PCDHA7: variants seen among roughly 807,000 people sequenced by gnomAD.
The protein encoded by PCDHA7 is protocadherin alpha 7, also known as protocadherin alpha-7.
A neutral mutation model predicts 57.2 loss-of-function variants in PCDHA7; 37 were observed. That is an observed-to-expected ratio of 0.65 (90% CI 0.50 to 0.85). The LOEUF is 0.85. PCDHA7 is among the 40% of genes least tolerant of loss of function. PCDHA7 has a pLI of 0.00. For missense variants in PCDHA7, 1,188 were observed against 1,241.8 expected (o/e 0.96, Z 0.65); for synonymous variants, 553 against 558.8 (o/e 0.99, Z 0.15).
chr5:140,933,545 A>G (rs1424166462), intron 1 of PCDHA7, among the ~76,000 whole-genome samples: 1 of 152,114 alleles, frequency 6.6e-6, no homozygotes, highest in Non-Finnish European at 1.5e-5. Flanking sequence ...TAATGTTAAT[A>G]TAAAATAAAA....
At position 140,836,517 on chromosome 5, in the gene PCDHA7, G is replaced by T. The variant is rs782570045; in HGVS notation, c.2134G>T (p.Val712Leu). 1.2e-6 allele frequency: 2 copies of T among 1,613,750 alleles called. No individual in the cohort carries two copies. Among genetic ancestry groups the T allele is most frequent in the African/African-American group, 1.3e-5 (1 of 74,844 alleles). Reference protein sequence around the residue: ...IAICAVSSLLVLTLLLYTALR... With the variant: ...IAICAVSSLLLLTLLLYTALR... The stretch of plus-strand genomic sequence containing the variant: ...CATCTGCGCGGTGTCCAGTCTGTTG[G>T]TGCTTACCCTGCTGCTGTACACGGC... Residue 712 changes from valine to leucine, a missense_variant, in exon 1 of 4, where the codon GTG (valine) becomes TTG (leucine). Physicochemically the swap from Val to Leu is conservative, Grantham distance 32. Around this residue, in one of 3 missense-constraint regions of PCDHA7, gnomAD observed 892 missense variants for 788.5 expected, o/e 1.13. Coordinates refer to ENST00000525929, the MANE Select transcript of PCDHA7 (RefSeq NM_018910.3).
At chr5:140,862,665 G>A (rs1437192786) in intron 1 of PCDHA7, 12 of 547,492 alleles carry the variant, frequency 2.2e-5, no homozygotes, top group Admixed American at 9.6e-5. Flanking sequence ...ACCGGGACGC[G>A]CAGGAGAACG....
intron 3 of PCDHA7, among the ~76,000 whole-genome samples, chr5:141,001,134 T>A (rs370176335): frequency 4.7e-4 from 72 of 152,158 alleles, no homozygotes; most frequent in African/African-American, 1.7e-3. Context: ...AACAAATGAA[T>A]CTTCTGTTGC....
chr5:140,951,583 C>T (rs939168963), intron 1 of PCDHA7, among the ~76,000 whole-genome samples: 3 of 152,034 alleles, frequency 2.0e-5, no homozygotes, highest in Non-Finnish European at 4.4e-5. Flanking sequence ...CCAGATTTCA[C>T]GAGATCTCTC....
chr5:140,967,682 C>G, intron 1 of PCDHA7: 2 of 1,614,176 alleles, frequency 1.2e-6, no homozygotes, highest in South Asian at 2.2e-5. Context: ...CCGGGAGAGG[C>G]AGCTCTTCAG....
rs1368766918 is a variant in PCDHA7 at position 141,010,867 on chromosome 5, A to G, written c.*930A>G. 4.6e-5 allele frequency: 7 copies of G among 153,798 alleles called. No homozygotes were observed. The highest frequency in any genetic ancestry group is 3.3e-4 in the Admixed American group (5 of 15,292). 9.5% of individuals were successfully genotyped at this position (153,798 alleles called of 1,614,324 possible). A position where few individuals can be genotyped will look rare whatever the true frequency, so the allele number is the denominator to read the frequency against. On this transcript the variant is annotated 3_prime_UTR_variant, in exon 4 of 4. Coordinates refer to ENST00000525929, the MANE Select transcript of PCDHA7 (RefSeq NM_018910.3). Reference sequence around the variant, plus strand: ...TTAAAAAAAGAGAAAGTCTATAGCTATAAATCTTTAAAGAGAAATATGAAT... The same window carrying G: ...TTAAAAAAAGAGAAAGTCTATAGCTGTAAATCTTTAAAGAGAAATATGAAT...
intron 1 of PCDHA7, chr5:140,858,198 C>T (rs1418909754): frequency 1.9e-6 from 3 of 1,597,294 alleles, no homozygotes; most frequent in African/African-American, 2.7e-5. Flanking sequence ...CTGCTGTACA[C>T]TGCACTGAGG....
chr5:140,911,979 A>G (rs1583809781), intron 1 of PCDHA7, among the ~76,000 whole-genome samples: 2 of 152,328 alleles, frequency 1.3e-5, no homozygotes, highest in African/African-American at 4.8e-5. Flanking sequence ...AACTCACATG[A>G]TCACAAGGTC....
chr5:140,877,917 TTTC>T, intron 1 of PCDHA7: 2 of 1,427,712 alleles, frequency 1.4e-6, no homozygotes, highest in East Asian at 5.0e-5. Flanking sequence ...TTCTCTCATT[TTTC>T]TTTATGATTC....
rs2150269159 is a variant in PCDHA7, at chr5:140,836,749, A to G, written c.2355+11A>G. On this transcript the variant is annotated intron_variant, in intron 1 of 3. Transcript: ENST00000525929. ...TCCTCTACAGACAATGTGAGTCATA[A>G]ATAATCTTGTTTCCAACAATTTTAA... 1 of 1,585,374 alleles carries G rather than the reference A, an allele frequency of 6.3e-7. No homozygotes were observed. The highest frequency in any genetic ancestry group is 1.7e-4 in the Middle Eastern group (1 of 5,930).
chr5:140,841,901 C>G, intron 1 of PCDHA7: 1 of 1,613,844 alleles, frequency 6.2e-7, no homozygotes, highest in Non-Finnish European at 8.5e-7. Flanking sequence ...ACTGGTTGAG[C>G]TCGTATTAAG....
intron 1 of PCDHA7, chr5:140,862,278 C>G (rs1367349322): frequency 7.9e-6 from 2 of 252,960 alleles, no homozygotes; most frequent in Middle Eastern, 1.4e-3. Context: ...CTATCATTCC[C>G]TGTACAGGAG....
intron 1 of PCDHA7, among the ~76,000 whole-genome samples, chr5:140,941,906 GC>G: frequency 6.6e-6 from 1 of 152,248 alleles, no homozygotes; most frequent in South Asian, 2.1e-4. Context: ...ACATTGAAAT[GC>G]TTTTATGTAT....
At chr5:140,947,769 A>G (rs2094173274) in intron 1 of PCDHA7, among the ~76,000 whole-genome samples, 1 of 151,626 alleles carries the variant, frequency 6.6e-6, no homozygotes, top group South Asian at 2.1e-4. Context: ...AAAAAATTCT[A>G]TTGTAAATGG....
chr5:140,835,758 G>C lies in PCDHA7; in HGVS notation c.1375G>C (p.Glu459Gln). The change falls in exon 1 of 4, where the codon GAG becomes CAG. Residue 459 changes from glutamate (E) to glutamine (Q), a missense_variant. Transcript: ENST00000525929. ...CAACGCCCCGGCGTTCGCGCAGCCC[G>C]AGTATACGGTGTTCGTGAAGGAGAA... Reference protein sequence around the residue: ...NDNAPAFAQPEYTVFVKENNP... With the variant: ...NDNAPAFAQPQYTVFVKENNP... The C allele has an allele frequency of 6.2e-7, 1 of 1,613,438 alleles. No homozygotes were observed. Among genetic ancestry groups the C allele is most frequent in the East Asian group, 2.2e-5 (1 of 44,810 alleles).
chr5:140,927,876 G>A lies in PCDHA7; in HGVS notation c.2356-51073G>A, dbSNP rs782412797. ...TAGCTAGCACCGCTAAACTGCTGGT[G>A]GAGGTGACTGACGTGAACGATCATG... On this transcript the variant is annotated intron_variant, in intron 1 of 3. Transcript: ENST00000525929. The A allele has an allele frequency of 1.9e-6, 3 of 1,614,202 alleles. No individual in the cohort carries two copies. The South Asian group carries it at 3.3e-5, about 18-fold the overall frequency.
chr5:140,890,966 T>C (rs2062882231), intron 1 of PCDHA7, among the ~76,000 whole-genome samples: 1 of 152,206 alleles, frequency 6.6e-6, no homozygotes, highest in African/African-American at 2.4e-5. Flanking sequence ...TCAGGTTTTG[T>C]TTTTCTGAAA....
intron 3 of PCDHA7, among the ~76,000 whole-genome samples, chr5:141,006,716 C>T (rs904868679): frequency 2.0e-5 from 3 of 151,786 alleles, no homozygotes; most frequent in Non-Finnish European, 2.9e-5. Flanking sequence ...ATTTAGGAGG[C>T]AGAAATGACA....
At chr5:140,853,515 G>A in intron 1 of PCDHA7, 1 of 976,904 alleles carries the variant, frequency 1.0e-6, no homozygotes, top group Non-Finnish European at 1.2e-6. Context: ...CAATAATGAA[G>A]CTCCTCCTAT....
Sources: gnomAD v4.1 joint callset for allele counts (sites outside exome capture counted in the v4.1 genomes callset) on GRCh38, gnomAD v4.1.1 for gene constraint, gnomAD v4.1.1 regional missense constraint, MANE v1.5 for transcripts, NCBI Gene and HGNC (gene_info 2026-07-23, HGNC 2026-07-21) for gene names.